The following DAB2IP variants were observed in gnomAD, a reference collection of about 807,000 sequenced individuals.
The protein encoded by DAB2IP is DAB2 interacting protein.
DAB2IP carries 28 observed loss-of-function variants against 107.2 expected under a neutral mutation model. That is an observed-to-expected ratio of 0.26 (90% CI 0.19 to 0.36). The LOEUF (loss-of-function observed/expected upper bound fraction) is 0.36. Among genes scored for constraint, DAB2IP ranks in the 10% least tolerant of loss-of-function variants. DAB2IP has a pLI of 1.00. For missense variants in DAB2IP, 1,400 were observed against 1,644.7 expected (o/e 0.85, Z 2.57); for synonymous variants, 755 against 706.4 (o/e 1.07, Z -1.09).
chr9:121,699,511 C>G lies in DAB2IP; in HGVS notation c.362+53C>G. The G allele has an allele frequency of 2.5e-6, 3 of 1,213,332 alleles. No homozygotes were observed. The highest frequency in any genetic ancestry group is 3.1e-6 in the Non-Finnish European group (3 of 974,276). 75.2% of individuals were successfully genotyped at this position (1,213,332 alleles called of 1,614,324 possible). On this transcript the variant is annotated intron_variant, in intron 3 of 15. Coordinates refer to ENST00000408936, the Ensembl canonical transcript of DAB2IP. This position sits in a 1 kb window ranked among gnomAD's most constrained non-coding sequence, Gnocchi z 6.2. ...CCGCGCCGCCGCCCCGGGCTGCGCC[C>G]CTGAGGACGCGGGGACAAAGCGCGA...
intron 1 of DAB2IP, among the ~76,000 whole-genome samples, chr9:121,657,552 G>A (rs1347446714): frequency 6.6e-6 from 1 of 152,168 alleles, no homozygotes; most frequent in Non-Finnish European, 1.5e-5. Flanking sequence ...GGTGGGAAAC[G>A]GAGCTCTGGG....
chr9:121,724,132 C>T (rs985556474), intron 3 of DAB2IP, among the ~76,000 whole-genome samples: 9 of 152,228 alleles, frequency 5.9e-5, no homozygotes, highest in East Asian at 3.9e-4. Flanking sequence ...TGTGCCCTGC[C>T]GTCATGGCTC....
intron 3 of DAB2IP, among the ~76,000 whole-genome samples, chr9:121,749,011 C>T (rs950877905): frequency 2.6e-5 from 4 of 152,222 alleles, no homozygotes; most frequent in Non-Finnish European, 4.4e-5. Flanking sequence ...AGAGGGACCA[C>T]GCCTCTGGGC....
chr9:121,770,002 C>T (rs774359068), intron 10 of DAB2IP, among the ~76,000 whole-genome samples: 2 of 152,246 alleles, frequency 1.3e-5, no homozygotes, highest in Non-Finnish European at 2.9e-5. Context: ...AGCCTAGAAT[C>T]CTCTGCCCCT....
chr9:121,709,302 G>A (rs1589557628), intron 3 of DAB2IP, among the ~76,000 whole-genome samples: 1 of 152,156 alleles, frequency 6.6e-6, no homozygotes, highest in South Asian at 2.1e-4. Context: ...CGGGGCGGGG[G>A]ACGGAGATGC....
intron 1 of DAB2IP, among the ~76,000 whole-genome samples, chr9:121,568,501 A>G (rs1352140531): frequency 6.6e-6 from 1 of 152,168 alleles, no homozygotes; most frequent in Non-Finnish European, 1.5e-5. Flanking sequence ...ATACAAAGGG[A>G]GGAGAGAGGG....
intron 1 of DAB2IP, among the ~76,000 whole-genome samples, chr9:121,607,150 G>A (rs1338023596): frequency 1.3e-5 from 2 of 152,164 alleles, no homozygotes; most frequent in Admixed American, 6.5e-5. Context: ...CTGTCCTGAA[G>A]TAGGAAGCCC....
At chr9:121,730,298 C>T (rs1364584447) in intron 3 of DAB2IP, among the ~76,000 whole-genome samples, 2 of 152,212 alleles carry the variant, frequency 1.3e-5, no homozygotes, top group South Asian at 2.1e-4. Flanking sequence ...ATTATTTTCT[C>T]GAAGACAGAA....
Position 121,645,661 on chromosome 9 carries a change from A to T in DAB2IP, c.41-33017A>T, listed in dbSNP as rs150456346. On this transcript the variant is annotated intron_variant, in intron 1 of 16. Coordinates refer to the DAB2IP transcript ENST00000259371. ...TCAGTGATTGCAGAGTTGATGCCAG[A>T]TCCCAGTTTGCCATGGGTTAGGGAG... is the stretch of plus-strand genomic sequence containing the variant. 4.2e-3 allele frequency among the ~76,000 whole-genome samples: 641 copies of T among 152,284 alleles called. 3 individuals are homozygous for T. Among genetic ancestry groups the T allele is most frequent in the Non-Finnish European group, 7.0e-3 (478 of 68,022 alleles).
chr9:121,782,879 G>GA lies in DAB2IP; in HGVS notation c.*382dup. On this transcript the variant is annotated 3_prime_UTR_variant, in exon 16 of 16. Transcript: ENST00000408936. The surrounding 1 kb of genome is among the most constrained non-coding windows in gnomAD (Gnocchi z 6.1). Reference sequence around the variant, plus strand: ...CCTGTGCCAGGGAGGGGGCTTCCTGGAGGGGGGATTCAAGGGCTAGGGGCC... The same window carrying GA: ...CCTGTGCCAGGGAGGGGGCTTCCTGGAAGGGGGGATTCAAGGGCTAGGGGCC... 1.9e-6 allele frequency: 2 copies of GA among 1,047,914 alleles called. No homozygotes were observed. The highest frequency in any genetic ancestry group is 2.3e-6 in the Non-Finnish European group (2 of 869,582). The allele number at this position is 1,047,914 out of a possible 1,614,324, so 64.9% of individuals were successfully genotyped here.
intron 8 of DAB2IP, among the ~76,000 whole-genome samples, chr9:121,765,481 T>G (rs1834213461): frequency 6.6e-6 from 1 of 152,232 alleles, no homozygotes; most frequent in Non-Finnish European, 1.5e-5. Flanking sequence ...AGCAGGCTGC[T>G]GGGCCTGTGG....
intron 1 of DAB2IP, among the ~76,000 whole-genome samples, chr9:121,626,662 G>A (rs1353824158): frequency 3.9e-5 from 6 of 152,028 alleles, no homozygotes; most frequent in Non-Finnish European, 7.4e-5. Context: ...GATCTCAGGT[G>A]ATCCGCCTGC....
intron 1 of DAB2IP, among the ~76,000 whole-genome samples, chr9:121,643,716 A>C (rs148494607): frequency 2.0e-5 from 3 of 151,996 alleles, no homozygotes; most frequent in Non-Finnish European, 4.4e-5. Context: ...CTCTTCTCCA[A>C]ATTCTCTCAG....
At chr9:121,708,609 C>G (rs78661462) in intron 3 of DAB2IP, among the ~76,000 whole-genome samples, 3,674 of 152,272 alleles carry the variant, frequency 0.024, 81 homozygotes, top group Middle Eastern at 0.037. Context: ...AACTCCAGGT[C>G]CAGTGCTCAG....
chr9:121,784,181 G>T, exon 16 of DAB2IP: 1 of 155,740 alleles, frequency 6.4e-6, no homozygotes, highest in Non-Finnish European at 1.4e-5. Flanking sequence ...GGCCACCAGG[G>T]ATCACAGACC....
chr9:121,616,927 G>T (rs115247966), intron 1 of DAB2IP, among the ~76,000 whole-genome samples: 2 of 152,232 alleles, frequency 1.3e-5, no homozygotes, highest in African/African-American at 4.8e-5. Context: ...CCTGGGAGAA[G>T]AGGGCTGGCC....
At chr9:121,757,164 G>A (rs1458488234) in exon 4 of DAB2IP, 2 of 1,613,696 alleles carry the variant, frequency 1.2e-6, no homozygotes, top group African/African-American at 1.3e-5. Context: ...CTACTGCTTC[G>A]AGGTGGGTCC....
At chr9:121,622,746 C>T (rs1246028884) in intron 1 of DAB2IP, among the ~76,000 whole-genome samples, 1 of 152,148 alleles carries the variant, frequency 6.6e-6, no homozygotes, top group Non-Finnish European at 1.5e-5. Flanking sequence ...CACCACCACC[C>T]CACCCCCTGC....
intron 2 of DAB2IP, among the ~76,000 whole-genome samples, chr9:121,679,594 G>A (rs1007238446): frequency 2.6e-5 from 4 of 152,124 alleles, no homozygotes; most frequent in African/African-American, 7.2e-5. Flanking sequence ...TAGGTCAGGT[G>A]GATGTTGGAT....
Sources: allele counts gnomAD v4.1 joint callset (sites outside exome capture counted in the v4.1 genomes callset), GRCh38; gene constraint gnomAD v4.1.1; non-coding constraint Gnocchi (gnomAD v3.1); transcripts MANE v1.5; gene names NCBI Gene and HGNC (gene_info 2026-07-23, HGNC 2026-07-21).